PIK3R5: variants seen among roughly 807,000 people sequenced by gnomAD.
PIK3R5 encodes phosphoinositide 3-kinase regulatory subunit 5.
Under a neutral mutation model 94.9 loss-of-function variants are expected in PIK3R5, and 32 were observed. The observed-to-expected ratio is 0.34, with a 90% CI of 0.25 to 0.45. The LOEUF (loss-of-function observed/expected upper bound fraction) is 0.45. PIK3R5 is among the 20% of genes least tolerant of loss of function. PIK3R5 has a pLI of 1.00. For synonymous variants in PIK3R5, 443 were observed against 479.4 expected, an observed-to-expected ratio of 0.92 and a Z score of 0.99; for missense variants, 853 against 1,144.6, an observed-to-expected ratio of 0.75 and a Z score of 3.68.
intron 1 of PIK3R5, among the ~76,000 whole-genome samples, chr17:8,949,821 T>C (rs1328553939): frequency 6.6e-6 from 1 of 152,196 alleles, no homozygotes; most frequent in Non-Finnish European, 1.5e-5. Flanking sequence ...CAACGTACAC[T>C]GCACCAAAAT....
chr17:8,958,280 C>CAAA (rs10716055), intron 1 of PIK3R5, among the ~76,000 whole-genome samples: 1 of 131,738 alleles, frequency 7.6e-6, no homozygotes, highest in African/African-American at 2.9e-5. Flanking sequence ...GAGACTGTCT[C>CAAA]AAAAAAAAAA....
chr17:8,890,564 C>T lies in PIK3R5; in HGVS notation c.657+174G>A, dbSNP rs1366606707. On this transcript the variant is annotated intron_variant, in intron 7 of 18. Transcript: ENST00000447110. This position sits in a 1 kb window ranked among gnomAD's most constrained non-coding sequence, Gnocchi z 6.1. ...AGGCTGCCACCCAGCTGGTTAGGAT[C>T]CAGCACACCAGAAACACCCTCTATG... Among the ~76,000 whole-genome samples, 1 of 152,234 alleles carries T rather than the reference C, an allele frequency of 6.6e-6. No individual in the cohort carries two copies. The highest frequency in any genetic ancestry group is 1.5e-5 in the Non-Finnish European group (1 of 68,042).
At chr17:8,905,123 A>G (rs1181427385) in intron 4 of PIK3R5, among the ~76,000 whole-genome samples, 1 of 109,996 alleles carries the variant, frequency 9.1e-6, no homozygotes, top group African/African-American at 3.9e-5. Flanking sequence ...GGGTGTCTCT[A>G]CTGGGAGGGA....
chr17:8,957,270 C>T (rs949289695), intron 1 of PIK3R5, among the ~76,000 whole-genome samples: 4 of 152,326 alleles, frequency 2.6e-5, no homozygotes, highest in African/African-American at 7.2e-5. Context: ...CTAGCCACCA[C>T]GAAGCCTCCC....
At chr17:8,894,746 G>A (rs1049728818) in intron 5 of PIK3R5, among the ~76,000 whole-genome samples, 9 of 152,110 alleles carry the variant, frequency 5.9e-5, no homozygotes, top group East Asian at 5.8e-4. Flanking sequence ...GGGACCCAGC[G>A]GGGTGGGTCG....
In PIK3R5 at chr17:8,885,781, G is replaced by A. The variant is rs1468416908; in HGVS notation, c.2128+448C>T. Reference sequence around the variant, plus strand: ...GGTAACCCCGCCCTCCCATGGCCCCGCCTCCTGGGTAACCCCGCCCTCCCA... The same window carrying A: ...GGTAACCCCGCCCTCCCATGGCCCCACCTCCTGGGTAACCCCGCCCTCCCA... On this transcript the variant is annotated intron_variant, in intron 14 of 18. Transcript: ENST00000447110. Among the ~76,000 whole-genome samples the A allele has an allele frequency of 6.4e-3, 191 of 29,620 alleles. 6 individuals are homozygous for A. Among genetic ancestry groups the A allele is most frequent in the African/African-American group, 0.03 (182 of 5,984 alleles). 19.4% of individuals were successfully genotyped at this position (29,620 alleles called of 152,430 possible).
chr17:8,901,133 G>C (rs1258148275), intron 5 of PIK3R5, among the ~76,000 whole-genome samples: 2 of 152,212 alleles, frequency 1.3e-5, no homozygotes, highest in African/African-American at 2.4e-5. Flanking sequence ...GTGGGAGGGA[G>C]TGTGGGAGGG....
chr17:8,929,319 T>C (rs562373243), intron 1 of PIK3R5, among the ~76,000 whole-genome samples: 1 of 152,274 alleles, frequency 6.6e-6, no homozygotes, highest in East Asian at 1.9e-4. Context: ...AAACTCACTT[T>C]ATATATAAAT....
intron 1 of PIK3R5, among the ~76,000 whole-genome samples, chr17:8,948,042 TAAAAA>T (rs71135932): frequency 1.6e-4 from 10 of 62,780 alleles, no homozygotes; most frequent in Non-Finnish European, 2.4e-4. Flanking sequence ...GACTCCGTCT[TAAAAA>T]AAAAAAAAAA....
intron 1 of PIK3R5, among the ~76,000 whole-genome samples, chr17:8,954,106 T>G (rs750784571): frequency 3.9e-5 from 6 of 152,088 alleles, no homozygotes; most frequent in Non-Finnish European, 8.8e-5. Context: ...AGAAATAACT[T>G]TGTCCTTGCT....
intron 5 of PIK3R5, among the ~76,000 whole-genome samples, chr17:8,900,906 C>T (rs1369754536): frequency 1.3e-5 from 2 of 152,140 alleles, no homozygotes; most frequent in Non-Finnish European, 2.9e-5. Flanking sequence ...CACAGGTAAT[C>T]CCCTCCCCCA....
intron 1 of PIK3R5, among the ~76,000 whole-genome samples, chr17:8,957,205 AT>A (rs1458816570): frequency 6.6e-6 from 1 of 152,204 alleles, no homozygotes; most frequent in Non-Finnish European, 1.5e-5. Flanking sequence ...TCTCACGGCT[AT>A]CATTTCCATA....
intron 1 of PIK3R5, among the ~76,000 whole-genome samples, chr17:8,914,004 G>A (rs1188211804): frequency 6.6e-6 from 1 of 152,186 alleles, no homozygotes; most frequent in Non-Finnish European, 1.5e-5. Flanking sequence ...TGCCTCCCAT[G>A]GCAGCCCGAC....
In PIK3R5 at chr17:8,892,002, T is replaced by G. The variant is rs1022820733; in HGVS notation, c.483-1090A>C. ...GTTAACAACGCACGGCTGTTCTCAC[T>G]TCCCCCATGCCAACCCCTCCATCAC... On this transcript the variant is annotated intron_variant, in intron 6 of 18. Transcript: ENST00000447110. This position sits in a 1 kb window ranked among gnomAD's most constrained non-coding sequence, Gnocchi z 4.3. 6.6e-6 allele frequency among the ~76,000 whole-genome samples: 1 copy of G among 152,150 alleles called. No individual in the cohort carries two copies. The highest frequency in any genetic ancestry group is 2.4e-5 in the African/African-American group (1 of 41,432).
rs779594678 is a variant in PIK3R5, at chr17:8,888,154, C to T, written c.1616+17G>A. 21 of 1,612,456 alleles carry T rather than the reference C, an allele frequency of 1.3e-5. No homozygotes were observed. The highest frequency in any genetic ancestry group is 6.7e-5 in the Admixed American group (4 of 60,002). On this transcript the variant is annotated intron_variant, in intron 10 of 18. Transcript: ENST00000447110. The surrounding 1 kb of genome is among the most constrained non-coding windows in gnomAD (Gnocchi z 7.8). ...TGTTACCCAGGGCAGAGGGATGCTC[C>T]GCATTACGGCTCTTACCGAAGGTTG...
chr17:8,882,565 A>G lies in PIK3R5; in HGVS notation c.2206-684T>C, dbSNP rs2089701284. On this transcript the variant is annotated intron_variant, in intron 15 of 18. Coordinates refer to ENST00000447110, the MANE Select transcript of PIK3R5 (RefSeq NM_001142633.3). This position sits in a 1 kb window ranked among gnomAD's most constrained non-coding sequence, Gnocchi z 4.1. ...TTTTTCCATTAGCAGCTGTCCACCCATCTTCATATTCACCACAAAGTCAGG... is the reference window on the plus strand; with the variant it reads ...TTTTTCCATTAGCAGCTGTCCACCCGTCTTCATATTCACCACAAAGTCAGG... 2.6e-5 allele frequency: 4 copies of G among 152,910 alleles called. No individual in the cohort carries two copies. The highest frequency in any genetic ancestry group is 2.6e-4 in the Admixed American group (4 of 15,340). The allele number at this position is 152,910 out of a possible 1,614,324, so 9.5% of individuals were successfully genotyped here.
chr17:8,961,042 C>A (rs544996284), intron 1 of PIK3R5, among the ~76,000 whole-genome samples: 2 of 152,080 alleles, frequency 1.3e-5, no homozygotes, highest in African/African-American at 4.8e-5. Context: ...TGCTATGGTG[C>A]GAAGACATAG....
Position 8,924,445 on chromosome 17 carries a change from A to G in PIK3R5, c.-13-12938T>C, listed in dbSNP as rs373256424. Among the ~76,000 whole-genome samples, 229 of 152,218 alleles carry G rather than the reference A, an allele frequency of 1.5e-3. 1 individual carries two copies. Among genetic ancestry groups the G allele is most frequent in the African/African-American group, 5.0e-3 (207 of 41,544 alleles). On this transcript the variant is annotated intron_variant, in intron 1 of 18. Coordinates refer to ENST00000447110, the MANE Select transcript of PIK3R5 (RefSeq NM_001142633.3). ...TGTAAGACAGATATGAATATTTCAT[A>G]GTTTTGGGCAAGGAAGATTTTTCTC... is the stretch of plus-strand genomic sequence containing the variant.
rs1340882963 is a variant in PIK3R5 at position 8,880,342 on chromosome 17, C to T, written c.*297G>A. On this transcript the variant is annotated 3_prime_UTR_variant, in exon 19 of 19. Transcript: ENST00000447110. ...CTCAGATCTTCCTTCTAGAAAGGAT[C>T]CTAGACCATGCTAATGGTCAGGGAC... 2.7e-5 allele frequency: 8 copies of T among 299,500 alleles called. No homozygotes were observed. Among genetic ancestry groups the T allele is most frequent in the Non-Finnish European group, 4.9e-5 (8 of 162,474 alleles). 18.6% of individuals were successfully genotyped at this position (299,500 alleles called of 1,614,324 possible). A position where few individuals can be genotyped will look rare whatever the true frequency, so the allele number is the denominator to read the frequency against.
Sources: allele counts gnomAD v4.1 joint callset (sites outside exome capture counted in the v4.1 genomes callset), GRCh38; gene constraint gnomAD v4.1.1; non-coding constraint Gnocchi (gnomAD v3.1); transcripts MANE v1.5; gene names NCBI Gene and HGNC (gene_info 2026-07-23, HGNC 2026-07-21).